Variants in PECR observed in about 807,000 individuals in gnomAD.
PECR encodes the protein peroxisomal trans-2-enoyl-CoA reductase.
In PECR, 30 loss-of-function variants were observed where a neutral mutation model predicts 35.3. That is an observed-to-expected ratio of 0.85 (90% CI 0.64 to 1.15). The LOEUF is 1.15. Ranked by LOEUF, PECR falls within the 50% of genes most tolerant of loss-of-function variation. The probability of loss-of-function intolerance (pLI) is 0.00; values close to 1 mark genes in which losing one functional copy is unlikely to be tolerated. For missense variants in PECR, 392 were observed against 370.8 expected (o/e 1.06, Z -0.47); for synonymous variants, 148 against 138.9 (o/e 1.07, Z -0.46).
Position 216,081,607 on chromosome 2 carries a change from C to T in PECR, c.124+11G>A. The stretch of plus-strand genomic sequence containing the variant: ...CAGCCACCTCTCTGCACCAGCGGCC[C>T]GCTCACGTACCCAGCTCCAGGAGCT... On this transcript the variant is annotated intron_variant, in intron 1 of 7. Coordinates refer to ENST00000265322, the MANE Select transcript of PECR (RefSeq NM_018441.6). The T allele has an allele frequency of 6.2e-7, 1 of 1,613,764 alleles. No individual in the cohort carries two copies. The highest frequency in any genetic ancestry group is 8.5e-7 in the Non-Finnish European group (1 of 1,179,950).
chr2:216,045,902 A>T (rs1694978876), intron 6 of PECR, among the ~76,000 whole-genome samples: 1 of 152,122 alleles, frequency 6.6e-6, no homozygotes. Flanking sequence ...AACCGGCCAG[A>T]CGCGGTGGCT....
chr2:216,038,995 T>A lies in PECR; in HGVS notation c.*280A>T. On this transcript the variant is annotated 3_prime_UTR_variant, in exon 8 of 8. Transcript: ENST00000265322. The stretch of plus-strand genomic sequence containing the variant: ...CCCTAGAATTATCATTGATTTAAAA[T>A]TATTCCATTTTTCAAATACTTTTCT... The A allele has an allele frequency of 3.2e-6, 1 of 310,802 alleles. No individual in the cohort carries two copies. Among genetic ancestry groups the A allele is most frequent in the Non-Finnish European group, 6.2e-6 (1 of 162,038 alleles). 19.3% of individuals were successfully genotyped at this position (310,802 alleles called of 1,614,324 possible).
chr2:216,040,871 C>CA (rs1264625896), intron 7 of PECR, among the ~76,000 whole-genome samples: 9 of 149,204 alleles, frequency 6.0e-5, no homozygotes, highest in Admixed American at 2.7e-4. Flanking sequence ...GACTCTGTCT[C>CA]AAAAAAAAAG....
At chr2:216,029,216 A>G (rs1278261290) in intron 7 of PECR, among the ~76,000 whole-genome samples, 1 of 152,206 alleles carries the variant, frequency 6.6e-6, no homozygotes, top group Non-Finnish European at 1.5e-5. Flanking sequence ...GTGGTGGCTC[A>G]CGCCTGTAAT....
At chr2:216,064,300 C>T (rs549536881) in intron 3 of PECR, among the ~76,000 whole-genome samples, 1 of 152,306 alleles carries the variant, frequency 6.6e-6, no homozygotes, top group Non-Finnish European at 1.5e-5. Flanking sequence ...GTTTCTTTTA[C>T]AGCTAGGTAT....
chr2:216,079,390 C>T (rs1442375145), intron 1 of PECR, among the ~76,000 whole-genome samples: 6 of 147,290 alleles, frequency 4.1e-5, no homozygotes, highest in Non-Finnish European at 8.9e-5. Context: ...TTTTTTGATA[C>T]TGAGTCTTGC....
intron 1 of PECR, among the ~76,000 whole-genome samples, chr2:216,078,850 A>G (rs954786519): frequency 6.6e-6 from 1 of 152,176 alleles, no homozygotes; most frequent in African/African-American, 2.4e-5. Context: ...GCCAATGCAT[A>G]TTTATGCAAC....
At chr2:216,068,804 A>ATT (rs36012588) in intron 1 of PECR, among the ~76,000 whole-genome samples, 51 of 76,110 alleles carry the variant, frequency 6.7e-4, no homozygotes, top group South Asian at 1.0e-3. Context: ...TATCTGGCCA[A>ATT]TTTTTTTTTT....
intron 4 of PECR, among the ~76,000 whole-genome samples, chr2:216,055,551 C>A (rs1351643159): frequency 6.6e-6 from 1 of 151,476 alleles, no homozygotes; most frequent in Non-Finnish European, 1.5e-5. Flanking sequence ...AATGCTCCCC[C>A]AAACTATGAC....
chr2:216,073,191 A>C lies in PECR; in HGVS notation c.125-6673T>G, dbSNP rs145266540. ...AAAACATACGTTATACTGTTAGGAG[A>C]AGCTTACTCCTTTCTCCTTTTGTTT... On this transcript the variant is annotated intron_variant, in intron 1 of 7. Transcript: ENST00000265322. 1.2e-4 allele frequency among the ~76,000 whole-genome samples: 18 copies of C among 152,338 alleles called. No individual in the cohort carries two copies. In the East Asian group the frequency reaches 3.5e-3, roughly 29 times the overall value.
chr2:216,075,252 G>A (rs929786564), intron 1 of PECR, among the ~76,000 whole-genome samples: 3 of 152,086 alleles, frequency 2.0e-5, no homozygotes, highest in Non-Finnish European at 4.4e-5. Flanking sequence ...GGGTGACAGA[G>A]CAAGATCCTG....
chr2:216,030,948 TCTCTCTCTCACA>T (rs1307775956), intron 7 of PECR, among the ~76,000 whole-genome samples: 31 of 97,392 alleles, frequency 3.2e-4, no homozygotes, highest in African/African-American at 8.2e-4. Context: ...TCTCTCTCTC[TCTCTCTCTCACA>T]CACACACACA....
chr2:216,081,536 C>T, intron 1 of PECR, 82 bp downstream of exon 1: 4 of 1,568,782 alleles, frequency 2.5e-6, no homozygotes, highest in South Asian at 1.1e-5. Context: ...CCCTCAGCCC[C>T]GCCGAGAGCT....
chr2:216,037,810 C>T (rs12993534), downstream of PECR, among the ~76,000 whole-genome samples: 7 of 152,156 alleles, frequency 4.6e-5, no homozygotes, highest in Non-Finnish European at 1.0e-4. Context: ...ACAGGCCGGG[C>T]GTGGTGGCTC....
chr2:216,056,217 A>T (rs1016514744), intron 4 of PECR, among the ~76,000 whole-genome samples: 1 of 152,084 alleles, frequency 6.6e-6, no homozygotes, highest in Non-Finnish European at 1.5e-5. Flanking sequence ...GACAGCCAAC[A>T]GTTTCAATTT....
intron 4 of PECR, chr2:216,057,907 G>A (rs1429304437): frequency 6.6e-6 from 1 of 152,134 alleles, no homozygotes; most frequent in Non-Finnish European, 1.5e-5. Flanking sequence ...GGCATGACTT[G>A]AGAGGCACTC....
chr2:216,081,768 G>A lies in PECR; in HGVS notation c.-27C>T, dbSNP rs1211736701. ...CCTGCAGCGGGGTGCCAGAGCAGCT[G>A]AGCGCAGGCCCTTCTGGGTCTCAGG... On this transcript the variant is annotated 5_prime_UTR_variant, in exon 1 of 8. It introduces an in-frame stop codon into an upstream open reading frame of the 5' UTR. Transcript: ENST00000265322. 10 of 1,610,698 alleles carry A rather than the reference G, an allele frequency of 6.2e-6. 1 individual carries two copies. The highest frequency in any genetic ancestry group is 2.2e-5 in the South Asian group (2 of 90,840).
chr2:216,031,986 G>A (rs953346469), intron 7 of PECR, among the ~76,000 whole-genome samples: 7 of 152,154 alleles, frequency 4.6e-5, no homozygotes, highest in Admixed American at 3.9e-4. Flanking sequence ...ACCAGAAATA[G>A]GCTGTTCCTC....
chr2:216,065,570 T>A, intron 2 of PECR, 93 bp from the exon 3 acceptor site: 1 of 777,608 alleles, frequency 1.3e-6, no homozygotes, highest in Non-Finnish European at 2.3e-6. Flanking sequence ...GAGTTTGCAA[T>A]CTCTCACAGT....
Sources: allele counts gnomAD v4.1 joint callset (sites outside exome capture counted in the v4.1 genomes callset), GRCh38; gene constraint gnomAD v4.1.1; transcripts MANE v1.5; gene names NCBI Gene and HGNC (gene_info 2026-07-23, HGNC 2026-07-21).